Variants in MICAL1 observed in about 807,000 individuals in gnomAD.
MICAL1 encodes microtubule associated monooxygenase, calponin and LIM domain containing 1.
MICAL1 carries 95 observed loss-of-function variants against 131.8 expected under a neutral mutation model. The observed-to-expected ratio is 0.72, with a 90% CI of 0.61 to 0.86. The LOEUF is 0.86. Ranked by LOEUF, MICAL1 falls within the 40% of genes least tolerant of loss-of-function variation. The pLI is 0.00. For synonymous variants in MICAL1, 546 were observed against 554.2 expected (o/e 0.99, Z 0.21); for missense variants, 1,292 against 1,380.6 (o/e 0.94, Z 1.02).
In MICAL1 at chr6:109,445,648, A is replaced by G. The variant is rs1331848501; in HGVS notation, c.2674-119T>C. On this transcript the variant is annotated intron_variant, in intron 20 of 24. Transcript: ENST00000358807. ...TGGGGTAAGCTCTGGTAGAAAAGGTAGAGGCCAGAGATATGACAGGCCAAG... is the reference window on the plus strand; with the variant it reads ...TGGGGTAAGCTCTGGTAGAAAAGGTGGAGGCCAGAGATATGACAGGCCAAG... 6 of 1,491,644 alleles carry G rather than the reference A, an allele frequency of 4.0e-6. No individual in the cohort carries two copies. In the East Asian group the frequency reaches 1.4e-4, roughly 35 times the overall value. The allele number at this position is 1,491,644 out of a possible 1,614,324, so 92.4% of individuals were successfully genotyped here. A position where few individuals can be genotyped will look rare whatever the true frequency, so the allele number is the denominator to read the frequency against.
At chr6:109,449,239 C>T (rs1243327589) in intron 11 of MICAL1, 161 bp downstream of exon 11, 1 of 786,774 alleles carries the variant, frequency 1.3e-6, no homozygotes, top group Non-Finnish European at 2.2e-6. Flanking sequence ...GCGGTGCTGC[C>T]CCTCCGTTCC....
chr6:109,449,177 G>A, intron 11 of MICAL1: 1 of 684,532 alleles, frequency 1.5e-6, no homozygotes. Context: ...CTGTAACGGT[G>A]GTTCAAACAC....
intron 1 of MICAL1, chr6:109,454,609 G>A (rs1382879290): frequency 1.5e-5 from 4 of 273,672 alleles, no homozygotes; most frequent in African/African-American, 8.9e-5. Flanking sequence ...TAGATGTGGA[G>A]AGGACAGAGC....
chr6:109,444,686 T>C lies in MICAL1; in HGVS notation c.3055+39A>G, dbSNP rs1319748323. 6.2e-6 allele frequency: 10 copies of C among 1,608,210 alleles called. No homozygotes were observed. The Admixed American group carries it at 6.7e-5, about 11-fold the overall frequency. On this transcript the variant is annotated intron_variant, in intron 24 of 24. Transcript: ENST00000358807. ...GAGATCATGAGGCTTGCATGACACA[T>C]CCCTGGGATGTGTCTGCTTCTCCCC... is the stretch of plus-strand genomic sequence containing the variant.
intron 6 of MICAL1, chr6:109,452,012 C>T: frequency 7.2e-7 from 1 of 1,392,908 alleles, no homozygotes; most frequent in Non-Finnish European, 9.3e-7. Context: ...TTAAGCAAAA[C>T]TCCCATACAC....
upstream of MICAL1, among the ~76,000 whole-genome samples, chr6:109,456,443 G>T (rs1562295346): frequency 2.6e-5 from 4 of 152,346 alleles, no homozygotes; most frequent in South Asian, 4.1e-4. Flanking sequence ...AAAGGGCGCG[G>T]ATTAAAGTCC....
chr6:109,449,164 T>C (rs1775394819), intron 11 of MICAL1: 5 of 672,700 alleles, frequency 7.4e-6, no homozygotes, highest in African/African-American at 1.8e-5. Context: ...AGCACCACTA[T>C]GGCTGTAACG....
At chr6:109,444,502 C>A (rs1775117690) in intron 24 of MICAL1, among the ~76,000 whole-genome samples, 163 bp from the exon 25 acceptor site, 1 of 152,196 alleles carries the variant, frequency 6.6e-6, no homozygotes, top group South Asian at 2.1e-4. Context: ...CACTACTGAG[C>A]AGCACGATTT....
chr6:109,447,632 G>T, intron 15 of MICAL1, 49 bp downstream of exon 15: 1 of 1,612,348 alleles, frequency 6.2e-7, no homozygotes, highest in Non-Finnish European at 8.5e-7. Context: ...TACCAGGAAA[G>T]GGGATAAAAT....
chr6:109,450,201 A>G, intron 8 of MICAL1, 99 bp downstream of exon 8: 1 of 1,563,524 alleles, frequency 6.4e-7, no homozygotes, highest in Non-Finnish European at 8.7e-7. Context: ...GGCAGCCCTT[A>G]GCTCCTCCCC....
rs1265624187 is a variant in MICAL1 at position 109,452,738 on chromosome 6, T to C, written c.572-123A>G. Reference sequence around the variant, plus strand: ...CTCTCTGGTTTAGAAAGCAATGATATATTATCTATCAGATTACACCTTCAC... The same window carrying C: ...CTCTCTGGTTTAGAAAGCAATGATACATTATCTATCAGATTACACCTTCAC... On this transcript the variant is annotated intron_variant, in intron 4 of 24. Coordinates refer to ENST00000358807, the MANE Select transcript of MICAL1 (RefSeq NM_022765.4). 1.2e-5 allele frequency: 8 copies of C among 695,434 alleles called. No individual in the cohort carries two copies. The Admixed American group carries it at 1.8e-4, about 15-fold the overall frequency. The allele number at this position is 695,434 out of a possible 1,614,324, so 43.1% of individuals were successfully genotyped here. A position where few individuals can be genotyped will look rare whatever the true frequency, so the allele number is the denominator to read the frequency against.
chr6:109,448,996 T>A, intron 11 of MICAL1, 117 bp from the exon 12 acceptor site: 11 of 1,359,498 alleles, frequency 8.1e-6, no homozygotes, highest in Non-Finnish European at 1.0e-5. Flanking sequence ...GACCCACCTC[T>A]ACTAGGGCAC....
Position 109,447,124 on chromosome 6 carries a change from T to C in MICAL1, c.2176A>G (p.Thr726Ala). The change falls in exon 17 of 25, where the codon ACC (threonine) becomes GCC (alanine). Residue 726 changes from threonine to alanine, a missense_variant. Physicochemically the swap from Thr to Ala is moderately conservative, Grantham distance 58 (BLOSUM62 0). Transcript: ENST00000358807. Reference protein sequence around the residue: ...FFHRSCFRCHTCEATLWPGGY... With the variant: ...FFHRSCFRCHACEATLWPGGY... ...CCTGGCCACAGTGTGGCCTCACAGGTATGGCAGCGGAAGCAGCTCCGGTGG... is the reference window on the plus strand; with the variant it reads ...CCTGGCCACAGTGTGGCCTCACAGGCATGGCAGCGGAAGCAGCTCCGGTGG... 1.9e-6 allele frequency: 3 copies of C among 1,614,082 alleles called. No individual in the cohort carries two copies. The highest frequency in any genetic ancestry group is 2.5e-6 in the Non-Finnish European group (3 of 1,180,016).
chr6:109,446,877 G>A lies in MICAL1; in HGVS notation c.2228-105C>T. 3 of 1,295,622 alleles carry A rather than the reference G, an allele frequency of 2.3e-6. 1 individual carries two copies. The South Asian group carries it at 3.8e-5, about 16-fold the overall frequency. The allele number at this position is 1,295,622 out of a possible 1,614,324, so 80.3% of individuals were successfully genotyped here. A position where few individuals can be genotyped will look rare whatever the true frequency, so the allele number is the denominator to read the frequency against. ...TGGGGAAAACAAGACAGATTTGCAG[G>A]TGAATTTCTGCCAGCCTCCTGTTCC... On this transcript the variant is annotated intron_variant, in intron 17 of 24. Transcript: ENST00000358807.
chr6:109,453,222 A>ACAC lies in MICAL1; in HGVS notation c.571+40_571+41insGTG, dbSNP rs750145791. 5.9e-6 allele frequency: 9 copies of ACAC among 1,523,616 alleles called. No homozygotes were observed. The East Asian group carries it at 1.4e-4, about 23-fold the overall frequency. The allele number at this position is 1,523,616 out of a possible 1,614,324, so 94.4% of individuals were successfully genotyped here. A position where few individuals can be genotyped will look rare whatever the true frequency, so the allele number is the denominator to read the frequency against. On this transcript the variant is annotated intron_variant, in intron 4 of 24. Coordinates refer to ENST00000358807, the MANE Select transcript of MICAL1 (RefSeq NM_022765.4). Reference sequence around the variant, plus strand: ...TTTTCAGACACTGGCCAAGTTCTTGATGGGGGAGGGGGAGATTCCAGGGAG... The same window carrying ACAC: ...TTTTCAGACACTGGCCAAGTTCTTGACACTGGGGGAGGGGGAGATTCCAGGGAG...
In MICAL1 at chr6:109,452,524, T is replaced by C. The variant is rs1775585582; in HGVS notation, c.663A>G (p.Lys221=). Residue 221 remains lysine (K), a synonymous_variant, in exon 5 of 25, where the codon AAA becomes AAG. Transcript: ENST00000358807. ...GTGATCACTCACCTTCAGGGACGAA[T>C]TTACCTCCTGCAGCCGAGATAAGGA... ...FDVLISAAGG[K]FVPEGFKVRE... 6.2e-7 allele frequency: 1 copy of C among 1,613,940 alleles called. No individual in the cohort carries two copies. Among genetic ancestry groups the C allele is most frequent in the African/African-American group, 1.3e-5 (1 of 75,004 alleles).
rs879694571 is a variant in MICAL1 at position 109,446,270 on chromosome 6, A to G, written c.2447T>C (p.Leu816Ser). ...IRLSSPERQR[L>S]SSLNLTPDPE... Reference sequence around the variant, plus strand: ...GTCAGGGGTAAGGTTAAGGGAGGACAACCGCTGGCGCTCCGGGCTGGAGAG... The same window carrying G: ...GTCAGGGGTAAGGTTAAGGGAGGACGACCGCTGGCGCTCCGGGCTGGAGAG... Residue 816 changes from leucine to serine, a missense_variant, in exon 19 of 25, where the codon TTG becomes TCG. By Grantham distance (145) the Leu-to-Ser change is moderately radical. Transcript: ENST00000358807. The G allele has an allele frequency of 3.1e-6, 5 of 1,613,508 alleles. No individual in the cohort carries two copies. Among genetic ancestry groups the G allele is most frequent in the Non-Finnish European group, 4.2e-6 (5 of 1,179,850 alleles).
intron 1 of MICAL1, among the ~76,000 whole-genome samples, chr6:109,460,895 G>A (rs1428626538): frequency 3.3e-5 from 5 of 152,040 alleles, no homozygotes; most frequent in Non-Finnish European, 7.4e-5. Flanking sequence ...ACTTACAGAG[G>A]CTCCTGTTAA....
chr6:109,448,957 G>A, intron 11 of MICAL1, 78 bp from the exon 12 acceptor site: 1 of 1,570,746 alleles, frequency 6.4e-7, no homozygotes, highest in East Asian at 2.3e-5. Context: ...TGCTGCATGT[G>A]GGGGTTCTGT....
Sources: gnomAD v4.1 joint callset for allele counts (sites outside exome capture counted in the v4.1 genomes callset) on GRCh38, gnomAD v4.1.1 for gene constraint, MANE v1.5 for transcripts, NCBI Gene and HGNC (gene_info 2026-07-23, HGNC 2026-07-21) for gene names.